SPPL2A: variants seen among roughly 807,000 people sequenced by gnomAD.
The protein encoded by SPPL2A is signal peptide peptidase-like 2A.
SPPL2A carries 51 observed loss-of-function variants against 63.8 expected under a neutral mutation model. That is an observed-to-expected ratio of 0.80 (90% CI 0.64 to 1.01). The LOEUF (loss-of-function observed/expected upper bound fraction) is 1.01, where lower values mean the gene tolerates loss of function less well. Among genes scored for constraint, SPPL2A ranks in the 50% least tolerant of loss-of-function variants. SPPL2A has a pLI of 0.00. For synonymous variants in SPPL2A, 188 were observed against 205.8 expected (o/e 0.91, Z 0.74); for missense variants, 553 against 622.7 (o/e 0.89, Z 1.19).
intron 1 of SPPL2A, among the ~76,000 whole-genome samples, chr15:50,763,496 T>C (rs1731849769): frequency 6.6e-6 from 1 of 152,192 alleles, no homozygotes; most frequent in South Asian, 2.1e-4. Flanking sequence ...ACCAAACATT[T>C]GCAGTGTAGA....
intron 1 of SPPL2A, among the ~76,000 whole-genome samples, chr15:50,764,986 A>C (rs1567171142): frequency 6.6e-6 from 1 of 152,004 alleles, no homozygotes; most frequent in Non-Finnish European, 1.5e-5. Flanking sequence ...GGGGAAGGGA[A>C]TTTTAAAAAG....
intron 13 of SPPL2A, among the ~76,000 whole-genome samples, chr15:50,721,877 C>A (rs1314024639): frequency 2.6e-5 from 4 of 151,894 alleles, no homozygotes; most frequent in African/African-American, 9.7e-5. Context: ...AAGTGCTGGG[C>A]TTACAGGTGT....
intron 13 of SPPL2A, among the ~76,000 whole-genome samples, chr15:50,720,796 A>T (rs939084846): frequency 9.2e-5 from 14 of 152,116 alleles, no homozygotes; most frequent in African/African-American, 3.4e-4. Flanking sequence ...CTGGGATTAT[A>T]GGTGTGAGCA....
chr15:50,736,721 A>G lies in SPPL2A; in HGVS notation c.753T>C (p.Ile251=). 6.2e-7 allele frequency: 1 copy of G among 1,603,328 alleles called. No homozygotes were observed. The highest frequency in any genetic ancestry group is 8.5e-7 in the Non-Finnish European group (1 of 1,170,848). ...YKWLVYVMIA[I]FCIASAMSLY... Reference sequence around the variant, plus strand: ...GACTCATTGCTGATGCTATGCAGAAAATTGCTATCATAACATAAACTGAAA... The same window carrying G: ...GACTCATTGCTGATGCTATGCAGAAGATTGCTATCATAACATAAACTGAAA... The change falls in exon 7 of 15, where the codon ATT becomes ATC. Residue 251 remains isoleucine, a synonymous_variant. Transcript: ENST00000261854.
intron 1 of SPPL2A, among the ~76,000 whole-genome samples, chr15:50,760,349 C>T (rs1354872794): frequency 6.6e-6 from 1 of 152,128 alleles, no homozygotes; most frequent in Non-Finnish European, 1.5e-5. Flanking sequence ...CAACCTCTGC[C>T]TCCTGGGTTC....
At chr15:50,728,365 A>G (rs1039713049) in intron 10 of SPPL2A, among the ~76,000 whole-genome samples, 30 of 152,310 alleles carry the variant, frequency 2.0e-4, no homozygotes, top group African/African-American at 6.5e-4. Flanking sequence ...TATTTTTGAG[A>G]CGGAGTCTCA....
intron 1 of SPPL2A, among the ~76,000 whole-genome samples, chr15:50,759,062 G>A (rs1290678464): frequency 1.3e-5 from 2 of 151,924 alleles, no homozygotes; most frequent in Admixed American, 6.6e-5. Context: ...CACTGTACCC[G>A]GCTAATTTAT....
At chr15:50,760,470 AG>A (rs2063000546) in intron 1 of SPPL2A, among the ~76,000 whole-genome samples, 1 of 152,106 alleles carries the variant, frequency 6.6e-6, no homozygotes, top group Non-Finnish European at 1.5e-5. Context: ...CATGTTGGCC[AG>A]GCTGGTTTCG....
intron 5 of SPPL2A, chr15:50,742,897 T>C (rs545178899): frequency 1.3e-5 from 2 of 152,288 alleles, no homozygotes; most frequent in South Asian, 4.1e-4. Context: ...GAGCTTGTCC[T>C]AGCGTGTATA....
At chr15:50,763,235 G>C (rs1294693220) in intron 1 of SPPL2A, among the ~76,000 whole-genome samples, 1 of 152,042 alleles carries the variant, frequency 6.6e-6, no homozygotes, top group East Asian at 1.9e-4. Flanking sequence ...CCAGAAAGGA[G>C]AAAGAACTCC....
intron 14 of SPPL2A, among the ~76,000 whole-genome samples, chr15:50,709,263 A>AT (rs571315533): frequency 2.8e-4 from 43 of 152,268 alleles, no homozygotes; most frequent in Non-Finnish European, 6.0e-4. Context: ...AAATTTCAGT[A>AT]TTGCGATGCA....
intron 1 of SPPL2A, among the ~76,000 whole-genome samples, chr15:50,757,152 T>A (rs35468804): frequency 2.0e-5 from 3 of 148,338 alleles, no homozygotes; most frequent in South Asian, 4.2e-4. Flanking sequence ...GTGCGATCTC[T>A]GCTCACTGCA....
Position 50,726,898 on chromosome 15 carries a change from G to A in SPPL2A, c.1090-521C>T, listed in dbSNP as rs139345384. Among the ~76,000 whole-genome samples the A allele has an allele frequency of 4.5e-4, 69 of 152,178 alleles. No homozygotes were observed. In the East Asian group the frequency reaches 8.7e-3, roughly 19 times the overall value. On this transcript the variant is annotated intron_variant, in intron 10 of 14. Transcript: ENST00000261854. ...ATAACAAAACAATGAAACCAAACTC[G>A]AAAAGACCCAACCCTATAGAATCTG...
chr15:50,727,052 T>C (rs1351807133), intron 10 of SPPL2A, among the ~76,000 whole-genome samples: 1 of 152,200 alleles, frequency 6.6e-6, no homozygotes, highest in African/African-American at 2.4e-5. Context: ...GTGGGTTGTG[T>C]GAGGGGTTCA....
Position 50,717,158 on chromosome 15 carries a change from T to C in SPPL2A, c.1488+2782A>G, listed in dbSNP as rs2062604821. 2.6e-5 allele frequency among the ~76,000 whole-genome samples: 4 copies of C among 152,324 alleles called. No individual in the cohort carries two copies. The South Asian group carries it at 8.3e-4, about 32-fold the overall frequency. On this transcript the variant is annotated intron_variant, in intron 14 of 14. Coordinates refer to ENST00000261854, the MANE Select transcript of SPPL2A (RefSeq NM_032802.4). ...TCACTATTTTGCTAATTTAGGCTTC[T>C]ATCACTTCTTTTTTGTTTGTGTTTT...
At chr15:50,736,260 T>A in intron 7 of SPPL2A, 58 bp from the exon 8 acceptor site, 2 of 1,013,802 alleles carry the variant, frequency 2.0e-6, no homozygotes, top group Non-Finnish European at 3.1e-6. Flanking sequence ...TCACTTGATA[T>A]AAGAAGTAGC....
chr15:50,722,143 G>T lies in SPPL2A; in HGVS notation c.1308C>A (p.Tyr436Ter). ...FDVQTGSSYI[Y>*]YVSSTVAYAI... Reference sequence around the variant, plus strand: ...ATTTACCAACTGTAGACGAAACATAGTATATGTAAGAAGAACCAGTCTGAA... The same window carrying T: ...ATTTACCAACTGTAGACGAAACATATTATATGTAAGAAGAACCAGTCTGAA... The change falls in exon 13 of 15, where the codon TAC becomes TAA. Residue 436 changes from tyrosine to a stop codon, truncating the protein, a stop_gained. Transcript: ENST00000261854. LOFTEE classifies it high-confidence loss of function. 1 of 1,584,652 alleles carries T rather than the reference G, an allele frequency of 6.3e-7. No homozygotes were observed. Among genetic ancestry groups the T allele is most frequent in the Non-Finnish European group, 8.6e-7 (1 of 1,156,426 alleles).
chr15:50,751,644 G>A (rs910832080), intron 1 of SPPL2A, among the ~76,000 whole-genome samples: 1 of 152,126 alleles, frequency 6.6e-6, no homozygotes, highest in Non-Finnish European at 1.5e-5. Context: ...TGTTTGATGA[G>A]TAAGTAATCT....
intron 1 of SPPL2A, 137 bp downstream of exon 1, chr15:50,765,331 G>A (rs1313163927): frequency 3.6e-6 from 2 of 551,182 alleles, no homozygotes; most frequent in South Asian, 2.4e-5. Context: ...AGGAGGGGAG[G>A]AAAGAGGAGT....
Sources: allele counts gnomAD v4.1 joint callset (sites outside exome capture counted in the v4.1 genomes callset), GRCh38; gene constraint gnomAD v4.1.1; transcripts MANE v1.5; gene names NCBI Gene and HGNC (gene_info 2026-07-23, HGNC 2026-07-21).